The following COL5A1 variants were observed in gnomAD, a reference collection of about 807,000 sequenced individuals.
COL5A1 encodes collagen type V alpha 1 chain.
COL5A1 carries 16 observed loss-of-function variants against 263.7 expected under a neutral mutation model. The ratio of observed to expected loss-of-function variants is 0.06; its 90% confidence interval spans 0.04 to 0.09. The LOEUF is 0.09. Among genes scored for constraint, COL5A1 ranks in the 10% least tolerant of loss-of-function variants. The pLI is 1.00. For synonymous variants in COL5A1, 1,012 were observed against 1,004.5 expected (o/e 1.01, Z -0.14); for missense variants, 2,036 against 2,540.5 (o/e 0.80, Z 4.27).
In COL5A1 at chr9:134,798,390, C is replaced by G. The variant is rs868428597; in HGVS notation, c.2899-18C>G. On this transcript the variant is annotated intron_variant, in intron 36 of 65. Coordinates refer to ENST00000371817, the MANE Select transcript of COL5A1 (RefSeq NM_000093.5). ...CTCAGACACGAATGAACCTCCTTTCCTTTGGTTTTTTCTTCAGGGCCCTCC... is the reference window on the plus strand; with the variant it reads ...CTCAGACACGAATGAACCTCCTTTCGTTTGGTTTTTTCTTCAGGGCCCTCC... 1.2e-6 allele frequency: 2 copies of G among 1,613,716 alleles called. No individual in the cohort carries two copies. The highest frequency in any genetic ancestry group is 1.3e-5 in the African/African-American group (1 of 74,920).
At position 134,737,602 on chromosome 9, in the gene COL5A1, T is replaced by C. The variant is rs553112131; in HGVS notation, c.1390-872T>C. 2.8e-3 allele frequency among the ~76,000 whole-genome samples: 420 copies of C among 152,156 alleles called. 1 individual carries two copies. Among genetic ancestry groups the C allele is most frequent in the African/African-American group, 9.8e-3 (407 of 41,524 alleles). On this transcript the variant is annotated intron_variant, in intron 9 of 65. Coordinates refer to ENST00000371817, the MANE Select transcript of COL5A1 (RefSeq NM_000093.5). ...TGGAACACGGAGGACTCTTGGGGCA[T>C]TGGGGGTGCCTGACCCTGGCGTTGC...
chr9:134,771,987 C>T (rs1432326587), intron 25 of COL5A1, among the ~76,000 whole-genome samples: 1 of 152,214 alleles, frequency 6.6e-6, no homozygotes, highest in East Asian at 1.9e-4. Context: ...GTCAGAGAAA[C>T]CTGCATTCCT....
At chr9:134,724,068 C>A (rs1356630484) in intron 4 of COL5A1, among the ~76,000 whole-genome samples, 1 of 152,166 alleles carries the variant, frequency 6.6e-6, no homozygotes, top group Non-Finnish European at 1.5e-5. Flanking sequence ...GGAGCACTGT[C>A]CTGGCTGCTG....
rs768330060 is a variant in COL5A1, at chr9:134,811,367, G to T, written c.3557G>T (p.Gly1186Val). The T allele has an allele frequency of 6.2e-7, 1 of 1,613,916 alleles. No individual in the cohort carries two copies. Among genetic ancestry groups the T allele is most frequent in the Middle Eastern group, 1.6e-4 (1 of 6,062 alleles). The change falls in exon 45 of 66, where the codon GGC (glycine) becomes GTC (valine). Residue 1186 changes from glycine (G) to valine (V), a missense_variant. Transcript: ENST00000371817. ...QGPPGPTGPQ[G>V]PIGQPGPSGA... ...CCTCCTGGGCCTACAGGTCCTCAAG[G>T]CCCCATCGGACAGCCAGGCCCCTCT...
intron 63 of COL5A1, among the ~76,000 whole-genome samples, chr9:134,828,637 G>A (rs1428026924): frequency 5.3e-5 from 5 of 94,786 alleles, no homozygotes; most frequent in South Asian, 2.8e-4. Flanking sequence ...CCACACACAC[G>A]ATAAACACCA....
At chr9:134,671,196 G>T (rs1308661295) in intron 1 of COL5A1, among the ~76,000 whole-genome samples, 1 of 152,232 alleles carries the variant, frequency 6.6e-6, no homozygotes, top group Non-Finnish European at 1.5e-5. Context: ...CAGCTCCTGC[G>T]CATGAGACAC....
At chr9:134,722,913 C>G (rs948191104) in intron 4 of COL5A1, among the ~76,000 whole-genome samples, 2 of 151,988 alleles carry the variant, frequency 1.3e-5, no homozygotes, top group Non-Finnish European at 2.9e-5. Context: ...GGGTTGGTGT[C>G]GGGGAGGGAA....
chr9:134,711,880 C>T (rs1834053689), intron 4 of COL5A1, among the ~76,000 whole-genome samples: 1 of 152,064 alleles, frequency 6.6e-6, no homozygotes, highest in Non-Finnish European at 1.5e-5. Context: ...CCTGGCCCTC[C>T]CCGCAAGTGG....
chr9:134,761,082 C>T (rs749217127), intron 18 of COL5A1, among the ~76,000 whole-genome samples: 1 of 150,204 alleles, frequency 6.7e-6, no homozygotes, highest in African/African-American at 2.5e-5. Flanking sequence ...CACATGCACA[C>T]GTGCACACAC....
rs950538562 is a variant in COL5A1 at position 134,758,453 on chromosome 9, CAGTG to C, written c.1935+160_1935+163del. 2.1e-4 allele frequency among the ~76,000 whole-genome samples: 32 copies of C among 152,246 alleles called. No homozygotes were observed. The highest frequency in any genetic ancestry group is 7.7e-4 in the African/African-American group (32 of 41,532). On this transcript the variant is annotated intron_variant, in intron 18 of 65. Transcript: ENST00000371817. The surrounding 1 kb of genome is among the most constrained non-coding windows in gnomAD (Gnocchi z 4.1). ...CAAACCTCACGGGAGTCAGCAATGG[CAGTG>C]AGCCCCAAGATGATGTCTTTGTTGA... is the stretch of plus-strand genomic sequence containing the variant.
chr9:134,760,830 A>G (rs1836385941), intron 18 of COL5A1, among the ~76,000 whole-genome samples: 1 of 142,674 alleles, frequency 7.0e-6, no homozygotes, highest in African/African-American at 2.7e-5. Context: ...GCATACACAC[A>G]TGCACACATG....
At chr9:134,684,823 C>T (rs943031910) in intron 1 of COL5A1, among the ~76,000 whole-genome samples, 2 of 152,190 alleles carry the variant, frequency 1.3e-5, no homozygotes, top group Non-Finnish European at 2.9e-5. Flanking sequence ...TAAAATTGCC[C>T]TATACCTCCT....
At chr9:134,668,368 C>T (rs961166306) in intron 1 of COL5A1, among the ~76,000 whole-genome samples, 4 of 152,102 alleles carry the variant, frequency 2.6e-5, no homozygotes, top group African/African-American at 9.7e-5. Flanking sequence ...GAGGAGGATT[C>T]CAGGTCTGAG....
Position 134,808,056 on chromosome 9 carries a change from C to T in COL5A1, c.3367-1127C>T, listed in dbSNP as rs142490821. On this transcript the variant is annotated intron_variant, in intron 42 of 65. Coordinates refer to ENST00000371817, the MANE Select transcript of COL5A1 (RefSeq NM_000093.5). ...AGGAAGCTTCCACAAAAGCCCCACA[C>T]GTGGTCTTTGCATTCTCTGGCTTAA... Among the ~76,000 whole-genome samples the T allele has an allele frequency of 7.1e-3, 1,087 of 152,266 alleles. 6 individuals are homozygous for T. Among genetic ancestry groups the T allele is most frequent in the Middle Eastern group, 0.041 (12 of 294 alleles).
At chr9:134,749,278 A>G (rs1181630469) in intron 11 of COL5A1, among the ~76,000 whole-genome samples, 1 of 152,242 alleles carries the variant, frequency 6.6e-6, no homozygotes, top group East Asian at 1.9e-4. Flanking sequence ...ACACAGCCTC[A>G]TAGTGATGAA....
intron 63 of COL5A1, 43 bp downstream of exon 63, chr9:134,825,947 C>T (rs1257075508): frequency 1.5e-6 from 2 of 1,332,400 alleles, no homozygotes; most frequent in Non-Finnish European, 2.2e-6. Flanking sequence ...GGGCAGGCGT[C>T]ACAGACAGGG....
At chr9:134,743,154 C>G (rs572906749) in intron 11 of COL5A1, among the ~76,000 whole-genome samples, 11 of 152,278 alleles carry the variant, frequency 7.2e-5, no homozygotes, top group African/African-American at 2.6e-4. Context: ...TCCCCGTGTG[C>G]CTCTCCAAAA....
intron 24 of COL5A1, 112 bp downstream of exon 24, chr9:134,767,466 CT>C: frequency 2.0e-6 from 2 of 1,004,244 alleles, no homozygotes; most frequent in Non-Finnish European, 3.1e-6. Flanking sequence ...TATCTTGGTG[CT>C]CCCAAGAGAC....
At chr9:134,784,315 G>A (rs919007298) in intron 29 of COL5A1, among the ~76,000 whole-genome samples, 1 of 152,240 alleles carries the variant, frequency 6.6e-6, no homozygotes, top group Non-Finnish European at 1.5e-5. Context: ...AGAGACAGAT[G>A]ATCAGAGGAG....
Sources: gnomAD v4.1 joint callset for allele counts (sites outside exome capture counted in the v4.1 genomes callset) on GRCh38, gnomAD v4.1.1 for gene constraint, Gnocchi (gnomAD v3.1) non-coding constraint, MANE v1.5 for transcripts, NCBI Gene and HGNC (gene_info 2026-07-23, HGNC 2026-07-21) for gene names.